ISX: variants seen among roughly 807,000 people sequenced by gnomAD.
ISX encodes intestine-specific homeobox.
In ISX, 15 loss-of-function variants were observed where a neutral mutation model predicts 16.9. The ratio of observed to expected loss-of-function variants is 0.89; its 90% CI spans 0.59 to 1.36. ISX has a LOEUF of 1.36. ISX is among the 40% of genes most tolerant of loss of function. ISX has a pLI of 0.00. For synonymous variants in ISX, 125 were observed against 119.7 expected, an observed-to-expected ratio of 1.04 and a Z score of -0.29; for missense variants, 316 against 306.1, an observed-to-expected ratio of 1.03 and a Z score of -0.24.
intron 2 of ISX, among the ~76,000 whole-genome samples, chr22:35,068,319 C>A (rs1928761406): frequency 6.6e-6 from 1 of 152,132 alleles, no homozygotes; most frequent in Non-Finnish European, 1.5e-5. Flanking sequence ...AAATAGAGCT[C>A]CACATCCCCA....
At chr22:35,072,025 G>T (rs747874128) in intron 2 of ISX, among the ~76,000 whole-genome samples, 1 of 152,238 alleles carries the variant, frequency 6.6e-6, no homozygotes, top group Non-Finnish European at 1.5e-5. Flanking sequence ...TACCCAGGTA[G>T]ACCCAGGAGC....
chr22:35,068,980 T>A (rs361789), intron 2 of ISX, among the ~76,000 whole-genome samples: 78,278 of 151,982 alleles, frequency 0.52, 20,433 homozygotes, highest in East Asian at 0.79. Flanking sequence ...ATTCCTGAAC[T>A]TAGTTTAAAT....
At chr22:35,084,299 G>A in intron 3 of ISX, 84 bp from the exon 4 acceptor site, 2 of 854,826 alleles carry the variant, frequency 2.3e-6, no homozygotes, top group Non-Finnish European at 3.9e-6. Context: ...TCCCTTGGAA[G>A]GTGTAGTTAT....
chr22:35,084,464 G>T lies in ISX; in HGVS notation c.463G>T (p.Ala155Ser). The T allele has an allele frequency of 6.2e-7, 1 of 1,613,530 alleles. No individual in the cohort carries two copies. The highest frequency in any genetic ancestry group is 8.5e-7 in the Non-Finnish European group (1 of 1,179,676). ...GGGGGCTCCACAGCAGCTGAGTGAA[G>T]CCAGTGTGGCCCTGCCCACAAATCT... is the stretch of plus-strand genomic sequence containing the variant. ...NLGAPQQLSEASVALPTNLDV... is the reference protein window; with the variant it reads ...NLGAPQQLSESSVALPTNLDV... The change falls in exon 4 of 5, where the codon GCC (alanine) becomes TCC (serine). Residue 155 changes from alanine (A) to serine (S), a missense_variant. Transcript: ENST00000404699.
At chr22:35,074,906 T>A (rs970126231) in intron 2 of ISX, among the ~76,000 whole-genome samples, 1 of 152,020 alleles carries the variant, frequency 6.6e-6, no homozygotes, top group Non-Finnish European at 1.5e-5. Context: ...CACGCACACA[T>A]GCACACAACT....
rs1929262211 is a variant in ISX, at chr22:35,086,658, C to T, written c.*965C>T. ...AGCCAGGCCTGCCTCAAAGAGCATT[C>T]AGGAGGCTCTGAGAGGACATGAGAG... On this transcript the variant is annotated 3_prime_UTR_variant, in exon 5 of 5. Transcript: ENST00000404699. 1 of 152,240 alleles carries T rather than the reference C, an allele frequency of 6.6e-6. No homozygotes were observed. Among genetic ancestry groups the T allele is most frequent in the Non-Finnish European group, 1.5e-5 (1 of 68,054 alleles). 9.4% of individuals were successfully genotyped at this position (152,240 alleles called of 1,614,324 possible).
intron 2 of ISX, 130 bp from the exon 3 acceptor site, chr22:35,082,370 GAATACTGTGAAGCTCCAA>G: frequency 1.4e-6 from 1 of 715,592 alleles, no homozygotes. Context: ...TTAGGAAAGA[GAATACTGTGAAGCTCCAA>G]GCTCAAGAAG....
At position 35,066,778 on chromosome 22, in the gene ISX, G is replaced by T; in HGVS notation, c.-310G>T. The T allele has an allele frequency of 3.1e-6, 1 of 325,842 alleles. No homozygotes were observed. The highest frequency in any genetic ancestry group is 5.6e-6 in the Non-Finnish European group (1 of 177,130). 20.2% of individuals were successfully genotyped at this position (325,842 alleles called of 1,614,324 possible). A position where few individuals can be genotyped will look rare whatever the true frequency, so the allele number is the denominator to read the frequency against. On this transcript the variant is annotated 5_prime_UTR_variant, in exon 2 of 5. Transcript: ENST00000404699. ...GATCCTGGCCTAACCTGGTGATTGT[G>T]CAGGCAACTGTGTCCGAGAAGACCC...
At position 35,076,635 on chromosome 22, in the gene ISX, C is replaced by T. The variant is rs558108394; in HGVS notation, c.230-5883C>T. On this transcript the variant is annotated intron_variant, in intron 2 of 4. Transcript: ENST00000404699. ...CCCATTTCCAGAGACTGCCCAGCGG[C>T]AAAGTCCCCCGGGCCTTTAGCTGCT... is the stretch of plus-strand genomic sequence containing the variant. 4.2e-3 allele frequency among the ~76,000 whole-genome samples: 636 copies of T among 152,300 alleles called. 3 individuals carry two copies. Among genetic ancestry groups the T allele is most frequent in the African/African-American group, 0.015 (619 of 41,570 alleles).
chr22:35,081,955 G>A (rs1174655528), intron 2 of ISX, among the ~76,000 whole-genome samples: 1 of 152,238 alleles, frequency 6.6e-6, no homozygotes, highest in East Asian at 1.9e-4. Flanking sequence ...AGGTGAGTTG[G>A]AGACAGGCTG....
chr22:35,082,706 C>T (rs1170824275), intron 3 of ISX, 37 bp downstream of exon 3: 1 of 1,608,800 alleles, frequency 6.2e-7, no homozygotes. Context: ...AGCCTCCATG[C>T]CCTTGGGACC....
rs140344965 is a variant in ISX, at chr22:35,075,981, A to T, written c.230-6537A>T. Reference sequence around the variant, plus strand: ...GTGACTATAATTCTACCATCTCACCATCCAGTAATAATCACTACAGATATT... The same window carrying T: ...GTGACTATAATTCTACCATCTCACCTTCCAGTAATAATCACTACAGATATT... On this transcript the variant is annotated intron_variant, in intron 2 of 4. Coordinates refer to ENST00000404699, the MANE Select transcript of ISX (RefSeq NM_001303508.2). Among the ~76,000 whole-genome samples, 135 of 152,336 alleles carry T rather than the reference A, an allele frequency of 8.9e-4. 1 individual carries two copies. Among genetic ancestry groups the T allele is most frequent in the Admixed American group, 7.7e-3 (118 of 15,296 alleles).
rs1430989642 is a variant in ISX, at chr22:35,084,383, A to G, written c.382A>G (p.Ile128Val). 6.2e-7 allele frequency: 1 copy of G among 1,611,478 alleles called. No homozygotes were observed. The highest frequency in any genetic ancestry group is 1.1e-5 in the South Asian group (1 of 90,922). The change falls in exon 4 of 5, where the codon ATC (isoleucine) becomes GTC (valine). Residue 128 changes from isoleucine to valine, a missense_variant and splice_region_variant. Ile to Val is a conservative substitution (Grantham distance 29). Coordinates refer to ENST00000404699, the MANE Select transcript of ISX (RefSeq NM_001303508.2). ...RINLPEARVQ[I>V]WFQNQRAKWR... is the part of the protein sequence containing the mutation. ...CCCCGTCCTTTCTCCCTGATTACAG[A>G]TCTGGTTCCAGAATCAGCGAGCCAA...
chr22:35,069,593 C>T (rs932185713), intron 2 of ISX, among the ~76,000 whole-genome samples: 2 of 152,178 alleles, frequency 1.3e-5, no homozygotes, highest in Non-Finnish European at 2.9e-5. Context: ...ATCTTTCTCC[C>T]TGGGGAAAGG....
intron 2 of ISX, among the ~76,000 whole-genome samples, chr22:35,074,954 A>G (rs1214340145): frequency 6.6e-6 from 1 of 152,238 alleles, no homozygotes; most frequent in Non-Finnish European, 1.5e-5. Context: ...TTGAAATATT[A>G]TAGCACATGA....
intron 2 of ISX, among the ~76,000 whole-genome samples, chr22:35,075,913 A>G (rs2413295): frequency 0.42 from 63,567 of 151,914 alleles, 14,148 homozygotes; most frequent in Non-Finnish European, 0.51. Flanking sequence ...GTTCCTGTGT[A>G]TTACAGAAAA....
In ISX at chr22:35,085,561, C is replaced by T; in HGVS notation, c.606C>T (p.Thr202=). The change falls in exon 5 of 5, where the codon ACC becomes ACT. Residue 202 remains threonine (T), a synonymous_variant. Transcript: ENST00000404699. ...LASAWFPAWI[T]LLPAHPWETQ... ...CTGCCTGGTTCCCTGCCTGGATCAC[C>T]CTCCTCCCAGCGCACCCATGGGAAA... 6.2e-7 allele frequency: 1 copy of T among 1,614,218 alleles called. No individual in the cohort carries two copies. The highest frequency in any genetic ancestry group is 8.5e-7 in the Non-Finnish European group (1 of 1,180,046).
chr22:35,067,036 C>T lies in ISX; in HGVS notation c.-52C>T. 7.0e-7 allele frequency: 1 copy of T among 1,428,956 alleles called. No individual in the cohort carries two copies. The highest frequency in any genetic ancestry group is 9.8e-7 in the Non-Finnish European group (1 of 1,024,876). The allele number at this position is 1,428,956 out of a possible 1,614,324, so 88.5% of individuals were successfully genotyped here. A position where few individuals can be genotyped will look rare whatever the true frequency, so the allele number is the denominator to read the frequency against. ...GAGGTTCAGGGGAGGAAGTACGCCA[C>T]TCTCCACTGGCACCCTCCTTGGCCT... is the stretch of plus-strand genomic sequence containing the variant. On this transcript the variant is annotated 5_prime_UTR_variant, in exon 2 of 5. Transcript: ENST00000404699.
chr22:35,070,566 G>A (rs1361057146), intron 2 of ISX, among the ~76,000 whole-genome samples: 1 of 152,206 alleles, frequency 6.6e-6, no homozygotes, highest in Non-Finnish European at 1.5e-5. Context: ...CCTGGCCTGT[G>A]GGGAACCCAG....
Sources: allele counts gnomAD v4.1 joint callset (sites outside exome capture counted in the v4.1 genomes callset), GRCh38; gene constraint gnomAD v4.1.1; transcripts MANE v1.5; gene names NCBI Gene and HGNC (gene_info 2026-07-23, HGNC 2026-07-21).